Variants in ZC4H2 observed in about 807,000 individuals in gnomAD.
The protein encoded by ZC4H2 is zinc finger C4H2 domain-containing protein.
For synonymous variants in ZC4H2, 84 were observed against 66.3 expected, an observed-to-expected ratio of 1.27 and a Z score of -1.30; for missense variants, 137 against 173.9, an observed-to-expected ratio of 0.79 and a Z score of 1.19.
At chrX:64,971,036 C>T (rs1279797322) in intron 1 of ZC4H2, among the ~76,000 whole-genome samples, 1 of 112,068 alleles carries the variant, frequency 8.9e-6, no homozygotes, top group Non-Finnish European at 1.9e-5. Flanking sequence ...TAAACAAAAC[C>T]TTCTCCAAAG....
chrX:64,920,062 C>G lies in ZC4H2; in HGVS notation c.398+19G>C. The G allele has an allele frequency of 8.3e-7, 1 of 1,204,967 alleles. No individual in the cohort carries two copies. Among genetic ancestry groups the G allele is most frequent in the East Asian group, 3.0e-5 (1 of 33,743 alleles). ...TCGGAGGGAGGGTATGTTGTAGGGA[C>G]TGGGGGCAGGTAGCTTACTCCAAGG... On this transcript the variant is annotated intron_variant, in intron 3 of 4. Transcript: ENST00000374839.
At position 64,987,554 on chromosome X, in the gene ZC4H2, T is replaced by C. The variant is rs757537544; in HGVS notation, c.-272+47075A>G. ...GTGAGTATCTGTTAGGAAAAAAAAA[T>C]TTTACTCAAAAGACCTCATATCTTA... On this transcript the variant is annotated intron_variant, in intron 1 of 4. Transcript: ENST00000337990. Among the ~76,000 whole-genome samples the C allele has an allele frequency of 5.6e-5, 6 of 107,066 alleles. No homozygotes were observed. In the Admixed American group the frequency reaches 6.0e-4, roughly 11 times the overall value. The allele number at this position is 107,066 out of a possible 115,157, so 93.0% of individuals were successfully genotyped here. A position where few individuals can be genotyped will look rare whatever the true frequency, so the allele number is the denominator to read the frequency against.
intron 1 of ZC4H2, among the ~76,000 whole-genome samples, chrX:64,943,928 T>C (rs778292615): frequency 9.0e-6 from 1 of 110,719 alleles, no homozygotes; most frequent in Non-Finnish European, 1.9e-5. Context: ...CCTAGTGTCA[T>C]TGGTTTTTGT....
intron 1 of ZC4H2, among the ~76,000 whole-genome samples, chrX:64,946,331 C>T (rs887555421): frequency 9.0e-6 from 1 of 111,210 alleles, no homozygotes; most frequent in African/African-American, 3.3e-5. Flanking sequence ...AGCCTCACAG[C>T]TTCCCTTGGC....
intron 1 of ZC4H2, among the ~76,000 whole-genome samples, chrX:64,944,147 T>C (rs1427165940): frequency 3.0e-5 from 3 of 101,467 alleles, no homozygotes; most frequent in Admixed American, 1.1e-4. Context: ...TTTTCTTTTT[T>C]TTTTTTTTTT....
At chrX:64,921,042 T>A (rs1352417921) in intron 2 of ZC4H2, among the ~76,000 whole-genome samples, 1 of 112,249 alleles carries the variant, frequency 8.9e-6, no homozygotes, top group Non-Finnish European at 1.9e-5. Flanking sequence ...ACACAGAAAA[T>A]CCCAATTGCT....
At chrX:64,999,039 G>GGT (rs1932475306) in intron 1 of ZC4H2, among the ~76,000 whole-genome samples, 2 of 11,851 alleles carry the variant, frequency 1.7e-4, no homozygotes, top group Admixed American at 3.0e-3. Flanking sequence ...TGGATTATGT[G>GGT]TTTTTTTTTT....
At chrX:64,942,288 T>C (rs1602401566) in intron 1 of ZC4H2, among the ~76,000 whole-genome samples, 1 of 111,351 alleles carries the variant, frequency 9.0e-6, no homozygotes. Context: ...CTCTTTTCTT[T>C]TTTATTAGTC....
In ZC4H2 at chrX:64,934,462, A is replaced by G. The variant is rs1184610484; in HGVS notation, c.54-12474T>C. 2.7e-5 allele frequency among the ~76,000 whole-genome samples: 3 copies of G among 112,202 alleles called. No homozygotes were observed. The South Asian group carries it at 1.1e-3, about 41-fold the overall frequency. On this transcript the variant is annotated intron_variant, in intron 1 of 4. Transcript: ENST00000374839. Reference sequence around the variant, plus strand: ...AATTTACACGTACACAGTTGTTCATAGTTATTATTCTTTTGATGCCTGTGG... The same window carrying G: ...AATTTACACGTACACAGTTGTTCATGGTTATTATTCTTTTGATGCCTGTGG...
chrX:64,922,294 A>C, intron 1 of ZC4H2: 1 of 240,639 alleles, frequency 4.2e-6, no homozygotes, highest in East Asian at 1.0e-4. Flanking sequence ...GAAAAAGAAA[A>C]AGAAAAAGAA....
intron 1 of ZC4H2, among the ~76,000 whole-genome samples, chrX:64,939,703 T>C (rs1047030955): frequency 2.7e-5 from 3 of 112,165 alleles, no homozygotes; most frequent in Non-Finnish European, 3.8e-5. Flanking sequence ...ATTTAATAAA[T>C]GGTGTTGGCA....
intron 2 of ZC4H2, among the ~76,000 whole-genome samples, chrX:64,920,817 C>G (rs1489021634): frequency 8.9e-6 from 1 of 112,490 alleles, no homozygotes; most frequent in Non-Finnish European, 1.9e-5. Flanking sequence ...AGGTTCACCT[C>G]AGACATACAA....
Position 64,922,006 on chromosome X carries a change from C to A in ZC4H2, c.54-18G>T. On this transcript the variant is annotated intron_variant, in intron 1 of 4. Transcript: ENST00000374839. ...TCTTGTTCCTGCAATTTGCAAAAAG[C>A]AGGAAACAGGCCAGCAAAAGAAGGG... is the stretch of plus-strand genomic sequence containing the variant. 8.3e-7 allele frequency: 1 copy of A among 1,206,113 alleles called. No homozygotes were observed. Among genetic ancestry groups the A allele is most frequent in the Non-Finnish European group, 1.1e-6 (1 of 893,147 alleles).
intron 1 of ZC4H2, among the ~76,000 whole-genome samples, chrX:64,946,175 T>A (rs1930522320): frequency 9.0e-6 from 1 of 111,216 alleles, no homozygotes; most frequent in South Asian, 3.8e-4. Context: ...AAAAACCTCC[T>A]CCAGCTAGCT....
intron 1 of ZC4H2, among the ~76,000 whole-genome samples, chrX:65,027,111 T>A (rs1326373489): frequency 8.9e-6 from 1 of 111,735 alleles, no homozygotes; most frequent in Admixed American, 9.5e-5. Context: ...AGGATGGAAG[T>A]GATGGAAAGA....
At chrX:64,974,001 T>C (rs764888403) in intron 1 of ZC4H2, among the ~76,000 whole-genome samples, 2 of 111,994 alleles carry the variant, frequency 1.8e-5, no homozygotes, top group Admixed American at 9.4e-5. Flanking sequence ...AATCTAAATG[T>C]TTATGTCTTT....
At chrX:64,992,291 T>C (rs191655106) in intron 1 of ZC4H2, among the ~76,000 whole-genome samples, 143 of 111,539 alleles carry the variant, frequency 1.3e-3, no homozygotes, top group Non-Finnish European at 2.1e-3. Context: ...TTGTTCACCT[T>C]CCCTGCCTGA....
chrX:64,943,547 A>T (rs1323764305), intron 1 of ZC4H2, among the ~76,000 whole-genome samples: 1 of 110,199 alleles, frequency 9.1e-6, no homozygotes, highest in Non-Finnish European at 1.9e-5. Flanking sequence ...TAGGATAGGT[A>T]GCTCTTCTTG....
intron 1 of ZC4H2, among the ~76,000 whole-genome samples, chrX:64,947,788 G>C (rs754226015): frequency 7.2e-5 from 8 of 111,394 alleles, no homozygotes; most frequent in Admixed American, 5.7e-4. Context: ...CAAACACTGA[G>C]CTGTGACCAA....
Sources: gnomAD v4.1 joint callset for allele counts (sites outside exome capture counted in the v4.1 genomes callset) on GRCh38, gnomAD v4.1.1 for gene constraint, MANE v1.5 for transcripts, NCBI Gene and HGNC (gene_info 2026-07-23, HGNC 2026-07-21) for gene names.